Variants in APAF1 observed in about 807,000 individuals in gnomAD.
APAF1 encodes the protein apoptotic protease-activating factor 1.
A neutral mutation model predicts 152.4 loss-of-function variants in APAF1; 91 were observed. That is an observed-to-expected ratio of 0.60 (90% confidence interval 0.50 to 0.71). The LOEUF (loss-of-function observed/expected upper bound fraction) is 0.71. Ranked by LOEUF, APAF1 falls within the 30% of genes least tolerant of loss-of-function variation. The probability of loss-of-function intolerance (pLI) is 0.00; values close to 1 mark genes in which losing one functional copy is unlikely to be tolerated. For synonymous variants in APAF1, 484 were observed against 494.1 expected (o/e 0.98, Z 0.27); for missense variants, 1,283 against 1,472.0 (o/e 0.87, Z 2.10).
chr12:98,722,032 T>A (rs2097743711), intron 22 of APAF1, among the ~76,000 whole-genome samples: 1 of 152,212 alleles, frequency 6.6e-6, no homozygotes, highest in Admixed American at 6.5e-5. Flanking sequence ...CGGGGCTGTT[T>A]CTTTGGATAC....
chr12:98,677,557 A>C lies in APAF1; in HGVS notation c.1920+6A>C. 6.2e-7 allele frequency: 1 copy of C among 1,614,198 alleles called. No homozygotes were observed. Among genetic ancestry groups the C allele is most frequent in the Non-Finnish European group, 8.5e-7 (1 of 1,180,022 alleles). On this transcript the variant is annotated splice_donor_region_variant and intron_variant, in intron 13 of 26. Coordinates refer to ENST00000551964, the MANE Select transcript of APAF1 (RefSeq NM_181861.2). ...GAGCTGATAAAACCTTACAGGTAAAACACATCTCTTGAGAAAAATGCAAAG... is the reference window on the plus strand; with the variant it reads ...GAGCTGATAAAACCTTACAGGTAAACCACATCTCTTGAGAAAAATGCAAAG...
At chr12:98,709,893 T>C (rs2097726001) in intron 20 of APAF1, among the ~76,000 whole-genome samples, 1 of 152,242 alleles carries the variant, frequency 6.6e-6, no homozygotes, top group Non-Finnish European at 1.5e-5. Flanking sequence ...TTGTTTTTCT[T>C]TTGAGACAGT....
chr12:98,657,306 A>G (rs1030409557), intron 4 of APAF1, among the ~76,000 whole-genome samples: 12 of 152,150 alleles, frequency 7.9e-5, no homozygotes, highest in Middle Eastern at 3.4e-3. Context: ...CCATCATTTT[A>G]TTGTCCATCA....
chr12:98,723,126 C>A, intron 22 of APAF1, 67 bp from the exon 23 acceptor site: 3 of 1,531,664 alleles, frequency 2.0e-6, no homozygotes, highest in South Asian at 2.3e-5. Context: ...AATGTACACT[C>A]TCTCCACCCC....
At chr12:98,689,760 C>A (rs1247311845) in intron 16 of APAF1, among the ~76,000 whole-genome samples, 1 of 152,124 alleles carries the variant, frequency 6.6e-6, no homozygotes, top group African/African-American at 2.4e-5. Context: ...ACCTGGACTG[C>A]AAAGCATTCT....
intron 14 of APAF1, 58 bp from the exon 15 acceptor site, chr12:98,683,085 C>T (rs1846052395): frequency 7.1e-7 from 1 of 1,413,794 alleles, no homozygotes; most frequent in African/African-American, 1.4e-5. Context: ...TGCTTTGCCC[C>T]TCTGTTCTCC....
Position 98,684,291 on chromosome 12 carries a change from A to G in APAF1, c.2178+1017A>G, listed in dbSNP as rs189255846. ...TTATTTTTTCAGAAGAAAAAATTAT[A>G]CAGAAGCTCAGTGTGTATAAGAGTT... On this transcript the variant is annotated intron_variant, in intron 15 of 26. Transcript: ENST00000551964. 8.9e-4 allele frequency among the ~76,000 whole-genome samples: 136 copies of G among 152,234 alleles called. 1 individual carries two copies. The highest frequency in any genetic ancestry group is 8.4e-3 in the Admixed American group (129 of 15,286).
Position 98,666,250 on chromosome 12 carries a change from G to A in APAF1, c.1255G>A (p.Val419Ile). The A allele has an allele frequency of 6.2e-7, 1 of 1,613,910 alleles. No homozygotes were observed. Among genetic ancestry groups the A allele is most frequent in the Non-Finnish European group, 8.5e-7 (1 of 1,179,862 alleles). The change falls in exon 9 of 27, where the codon GTA becomes ATA. Residue 419 changes from valine to isoleucine, a missense_variant. By Grantham distance (29) the Val-to-Ile change is conservative. Coordinates refer to ENST00000551964, the MANE Select transcript of APAF1 (RefSeq NM_181861.2). The part of the protein sequence containing the change: ...EEVEDILQEF[V>I]NKSLLFCDRN... ...AGTTGAAGACATACTGCAGGAGTTT[G>A]TAAATAAGTCTCTTTTATTCTGTGA...
intron 21 of APAF1, among the ~76,000 whole-genome samples, 146 bp from the exon 22 acceptor site, chr12:98,715,252 ATATATATATATATATATATATATATATAT>A (rs1181707442): frequency 8.3e-5 from 7 of 84,562 alleles, no homozygotes; most frequent in Admixed American, 8.2e-4. Flanking sequence ...ATATATATAT[ATATATATATATATATATATATATATATAT>A]GACATTCATT....
chr12:98,732,314 T>G, intron 26 of APAF1, 106 bp from the exon 27 acceptor site: 11 of 983,510 alleles, frequency 1.1e-5, no homozygotes, highest in East Asian at 2.5e-5. Flanking sequence ...CCTGTTTGCT[T>G]GAGTTCGGTT....
At chr12:98,665,276 A>ATTTTTTTT (rs1198534474) in intron 7 of APAF1, among the ~76,000 whole-genome samples, 7 of 67,852 alleles carry the variant, frequency 1.0e-4, no homozygotes, top group East Asian at 1.3e-3. Context: ...ATATATATAT[A>ATTTTTTTT]TATTTTTTTT....
chr12:98,717,129 A>G (rs1345056776), intron 22 of APAF1, among the ~76,000 whole-genome samples: 8 of 151,814 alleles, frequency 5.3e-5, no homozygotes, highest in Non-Finnish European at 1.2e-4. Context: ...CGGCCTCCCA[A>G]AGTGCTGGGA....
chr12:98,724,234 C>G (rs1284575907), intron 24 of APAF1, among the ~76,000 whole-genome samples: 1 of 152,112 alleles, frequency 6.6e-6, no homozygotes, highest in African/African-American at 2.4e-5. Flanking sequence ...AGGGCTGTAT[C>G]CTGTCTTTTG....
At chr12:98,712,825 C>CTT (rs143050298) in intron 21 of APAF1, 65 of 198,952 alleles carry the variant, frequency 3.3e-4, no homozygotes, top group South Asian at 1.9e-3. Context: ...TATTGTATAC[C>CTT]TTTTTTTTTT....
At chr12:98,686,994 C>A in intron 16 of APAF1, 121 bp downstream of exon 16, 1 of 998,940 alleles carries the variant, frequency 1.0e-6, no homozygotes, top group Non-Finnish European at 1.5e-6. Context: ...TTTCAATTTC[C>A]AGGAGCATAT....
At chr12:98,656,669 ACTT>A (rs1462912971) in intron 4 of APAF1, among the ~76,000 whole-genome samples, 1 of 152,148 alleles carries the variant, frequency 6.6e-6, no homozygotes, top group Non-Finnish European at 1.5e-5. Flanking sequence ...TGTATCATCA[ACTT>A]CTTAGAATAT....
chr12:98,658,728 G>A (rs2097660919), intron 4 of APAF1, among the ~76,000 whole-genome samples: 2 of 152,164 alleles, frequency 1.3e-5, no homozygotes, highest in Admixed American at 1.3e-4. Flanking sequence ...GTCAGTACTG[G>A]TGAAGGGGAA....
intron 12 of APAF1, 33 bp from the exon 13 acceptor site, chr12:98,677,392 T>A: frequency 1.2e-6 from 2 of 1,609,012 alleles, no homozygotes; most frequent in Non-Finnish European, 1.7e-6. Context: ...CTCTCATTTA[T>A]TTAATTTCTG....
chr12:98,650,682 C>G (rs149672765), intron 4 of APAF1, among the ~76,000 whole-genome samples: 67 of 152,206 alleles, frequency 4.4e-4, no homozygotes, highest in African/African-American at 1.5e-3. Context: ...AGACTATACT[C>G]TTGTCAGAAG....
Sources: gnomAD v4.1 joint callset for allele counts (sites outside exome capture counted in the v4.1 genomes callset) on GRCh38, gnomAD v4.1.1 for gene constraint, MANE v1.5 for transcripts, NCBI Gene and HGNC (gene_info 2026-07-23, HGNC 2026-07-21) for gene names.